Variants in NPAS2 observed in about 807,000 individuals in gnomAD.
NPAS2 encodes the protein neuronal PAS domain-containing protein 2.
A neutral mutation model predicts 107.5 loss-of-function variants in NPAS2; 23 were observed. That is an observed-to-expected ratio of 0.21 (90% CI 0.15 to 0.30). The LOEUF is 0.30. Among genes scored for constraint, NPAS2 ranks in the 10% least tolerant of loss-of-function variants. NPAS2 has a pLI of 1.00. For missense variants in NPAS2, 756 were observed against 1,043.3 expected, an observed-to-expected ratio of 0.72 and a Z score of 3.79; for synonymous variants, 403 against 417.5, an observed-to-expected ratio of 0.97 and a Z score of 0.42.
At chr2:100,977,211 C>T (rs1180624646) in intron 14 of NPAS2, 1 of 169,032 alleles carries the variant, frequency 5.9e-6, no homozygotes, top group Non-Finnish European at 1.3e-5. Flanking sequence ...GTGAAACTGC[C>T]CCAGTCCTCA....
At chr2:100,920,824 C>G (rs1056181602) in intron 2 of NPAS2, among the ~76,000 whole-genome samples, 4 of 152,256 alleles carry the variant, frequency 2.6e-5, no homozygotes, top group East Asian at 3.9e-4. Context: ...CAATCCTGCT[C>G]TCTCCAGAAG....
intron 1 of NPAS2, among the ~76,000 whole-genome samples, chr2:100,892,975 C>G (rs906696599): frequency 6.6e-6 from 1 of 152,200 alleles, no homozygotes; most frequent in African/African-American, 2.4e-5. Context: ...ACCTCAGCCT[C>G]CCAAAGTGCT....
intron 12 of NPAS2, among the ~76,000 whole-genome samples, chr2:100,974,145 A>G (rs1383162771): frequency 6.6e-6 from 1 of 152,076 alleles, no homozygotes; most frequent in Admixed American, 6.5e-5. Context: ...CCCAGCCCCA[A>G]CCCAGCCCCT....
At chr2:100,908,242 G>A (rs1682295675) in intron 2 of NPAS2, among the ~76,000 whole-genome samples, 1 of 152,238 alleles carries the variant, frequency 6.6e-6, no homozygotes, top group Non-Finnish European at 1.5e-5. Context: ...GAAATTAAAT[G>A]TAGCTGCGTC....
intron 1 of NPAS2, among the ~76,000 whole-genome samples, chr2:100,875,198 G>A (rs182984013): frequency 7.2e-5 from 11 of 152,248 alleles, no homozygotes; most frequent in Admixed American, 4.6e-4. Flanking sequence ...GACAAATGCT[G>A]CATGATTCCA....
chr2:100,892,976 C>T (rs1173409533), intron 1 of NPAS2, among the ~76,000 whole-genome samples: 1 of 152,132 alleles, frequency 6.6e-6, no homozygotes, highest in South Asian at 2.1e-4. Context: ...CCTCAGCCTC[C>T]CAAAGTGCTG....
At chr2:100,876,834 T>C (rs1679999785) in intron 1 of NPAS2, among the ~76,000 whole-genome samples, 1 of 152,126 alleles carries the variant, frequency 6.6e-6, no homozygotes. Context: ...AACAAAGACA[T>C]GTGGAGGTGG....
chr2:100,824,546 T>C (rs1374674142), intron 1 of NPAS2, among the ~76,000 whole-genome samples: 7 of 152,198 alleles, frequency 4.6e-5, no homozygotes, highest in Non-Finnish European at 1.0e-4. Context: ...CATCAATCTG[T>C]CTTTCCACCA....
intron 1 of NPAS2, among the ~76,000 whole-genome samples, chr2:100,859,975 G>T (rs1339431486): frequency 6.6e-6 from 1 of 152,168 alleles, no homozygotes; most frequent in East Asian, 1.9e-4. Context: ...ACACTTTCCT[G>T]TGTATGTATC....
chr2:100,955,714 G>A (rs985291292), intron 7 of NPAS2, among the ~76,000 whole-genome samples: 10 of 152,068 alleles, frequency 6.6e-5, no homozygotes, highest in Non-Finnish European at 1.5e-4. Flanking sequence ...AGTGGCTGGG[G>A]AAGTTCGTCT....
At chr2:100,847,023 A>G (rs1259972380) in intron 1 of NPAS2, 1 of 152,226 alleles carries the variant, frequency 6.6e-6, no homozygotes, top group Non-Finnish European at 1.5e-5. Flanking sequence ...GAAGAGAGCC[A>G]CTTACTCTAT....
Position 100,968,756 on chromosome 2 carries a change from A to G in NPAS2, c.1055+328A>G, listed in dbSNP as rs1676378622. Among the ~76,000 whole-genome samples, 1 of 152,210 alleles carries G rather than the reference A, an allele frequency of 6.6e-6. No homozygotes were observed. Among genetic ancestry groups the G allele is most frequent in the Admixed American group, 6.5e-5 (1 of 15,286 alleles). On this transcript the variant is annotated intron_variant, in intron 11 of 20. Transcript: ENST00000335681. This position sits in a 1 kb window ranked among gnomAD's most constrained non-coding sequence, Gnocchi z 5.3. ...CACTGACCTACTTACATATTTTCCC[A>G]TCTCTATCCAGCCCACAGCCTTCCC...
chr2:100,865,463 G>A (rs924381698), intron 1 of NPAS2, among the ~76,000 whole-genome samples: 1 of 152,072 alleles, frequency 6.6e-6, no homozygotes, highest in Non-Finnish European at 1.5e-5. Context: ...TTGACCTTTC[G>A]GAAGCTCACA....
At position 100,975,289 on chromosome 2, in the gene NPAS2, T is replaced by G. The variant is rs114721591; in HGVS notation, c.1283-169T>G. On this transcript the variant is annotated intron_variant, in intron 13 of 20. Transcript: ENST00000335681. ...AGTGTTTGTGGTGTCTCCTACCTGC[T>G]CCCAGGCTGGGCTTCTGTGGTTCAG... The G allele has an allele frequency of 1.0e-3, 691 of 664,346 alleles. 3 individuals carry two copies. The African/African-American group carries it at 0.012, about 11-fold the overall frequency. 41.2% of individuals were successfully genotyped at this position (664,346 alleles called of 1,614,324 possible). A position where few individuals can be genotyped will look rare whatever the true frequency, so the allele number is the denominator to read the frequency against.
intron 1 of NPAS2, among the ~76,000 whole-genome samples, chr2:100,864,590 T>G (rs1332726524): frequency 6.6e-6 from 1 of 152,226 alleles, no homozygotes; most frequent in Non-Finnish European, 1.5e-5. Flanking sequence ...GAAAAATGGT[T>G]GACAAGTCTT....
At chr2:100,933,102 C>A (rs773667771) in intron 4 of NPAS2, 101 bp downstream of exon 4, 4 of 834,378 alleles carry the variant, frequency 4.8e-6, no homozygotes, top group Non-Finnish European at 7.9e-6. Context: ...TGTTCTTGAT[C>A]CTGGGAAGAC....
rs57411243 is a variant in NPAS2 at position 100,882,907 on chromosome 2, G to A, written c.-22-21826G>A. Among the ~76,000 whole-genome samples, 729 of 152,262 alleles carry A rather than the reference G, an allele frequency of 4.8e-3. 4 individuals carry two copies. The highest frequency in any genetic ancestry group is 0.017 in the African/African-American group (690 of 41,552). On this transcript the variant is annotated intron_variant, in intron 1 of 20. Coordinates refer to ENST00000335681, the MANE Select transcript of NPAS2 (RefSeq NM_002518.4). ...TTCCTCCTCGGCTGGGCTAGGGGAG[G>A]GGCCCACTCCTTTTACCTGTGTTTC...
chr2:100,942,748 T>C (rs1301723620), intron 5 of NPAS2, among the ~76,000 whole-genome samples: 4 of 152,186 alleles, frequency 2.6e-5, no homozygotes, highest in African/African-American at 9.7e-5. Context: ...ATTGTTTGCT[T>C]GTTTTCCTTT....
intron 1 of NPAS2, chr2:100,901,416 G>T: frequency 2.2e-6 from 1 of 461,156 alleles, no homozygotes; most frequent in Non-Finnish European, 2.8e-6. Flanking sequence ...CAAACTGGGG[G>T]GGATGTTACA....
Sources: allele counts gnomAD v4.1 joint callset (sites outside exome capture counted in the v4.1 genomes callset), GRCh38; gene constraint gnomAD v4.1.1; non-coding constraint Gnocchi (gnomAD v3.1); transcripts MANE v1.5; gene names NCBI Gene and HGNC (gene_info 2026-07-23, HGNC 2026-07-21).